The following PNISR variants were observed in gnomAD, a reference collection of about 807,000 sequenced individuals.
The protein encoded by PNISR is arginine/serine-rich protein PNISR.
PNISR carries 20 observed loss-of-function variants against 93.4 expected under a neutral mutation model. The observed-to-expected ratio is 0.21, with a 90% confidence interval of 0.15 to 0.31. PNISR has a LOEUF of 0.31. Among genes scored for constraint, PNISR ranks in the 10% least tolerant of loss-of-function variants. The pLI is 1.00. For missense variants in PNISR, 893 were observed against 985.4 expected (o/e 0.91, Z 1.25); for synonymous variants, 305 against 306.5 (o/e 0.99, Z 0.05).
chr6:99,401,668 C>T (rs763402522), intron 11 of PNISR, 38 bp from the exon 12 acceptor site: 15 of 1,460,062 alleles, frequency 1.0e-5, no homozygotes, highest in African/African-American at 2.8e-5. Flanking sequence ...AGAAAATGTT[C>T]ATGTAAAATT....
rs1052098759 is a variant in PNISR, at chr6:99,400,952, C to T, written c.2006G>A (p.Arg669Lys). ...EAKEQERKKERSRSIDKDRKK... is the reference protein window; with the variant it reads ...EAKEQERKKEKSRSIDKDRKK... ...CCTATCTTTATCTATACTTCGACTC[C>T]TCTCCTTTTTCCTCTCTTGTTCTTT... The change falls in exon 12 of 12, where the codon AGG (arginine) becomes AAG (lysine). Residue 669 changes from arginine to lysine, a missense_variant. Arg to Lys is a conservative substitution (Grantham distance 26). Coordinates refer to ENST00000369239, the MANE Select transcript of PNISR (RefSeq NM_032870.4). 1.9e-6 allele frequency: 3 copies of T among 1,589,200 alleles called. No homozygotes were observed. The highest frequency in any genetic ancestry group is 2.6e-6 in the Non-Finnish European group (3 of 1,158,090).
At chr6:99,425,079 T>C (rs978890858) in intron 1 of PNISR, 136 bp downstream of exon 1, 6 of 466,072 alleles carry the variant, frequency 1.3e-5, no homozygotes, top group Middle Eastern at 5.8e-4. Flanking sequence ...CGCAGCGCTT[T>C]AAAGGAATGA....
intron 1 of PNISR, among the ~76,000 whole-genome samples, chr6:99,422,876 CAAAAAA>C (rs58924048): frequency 7.5e-4 from 71 of 94,928 alleles, no homozygotes; most frequent in Admixed American, 1.0e-3. Flanking sequence ...CACTCTGTCT[CAAAAAA>C]AAAAAAAAAA....
At chr6:99,404,250 A>T (rs1319373788) in intron 9 of PNISR, 1 of 366,874 alleles carries the variant, frequency 2.7e-6, no homozygotes, top group Admixed American at 4.5e-5. Flanking sequence ...AATTGTAGGT[A>T]GATAATTCAA....
At chr6:99,417,597 A>G (rs1382259619) in intron 1 of PNISR, among the ~76,000 whole-genome samples, 3 of 152,222 alleles carry the variant, frequency 2.0e-5, no homozygotes, top group East Asian at 1.9e-4. Context: ...GTGGTGATTA[A>G]TATCAATACT....
rs553699408 is a variant in PNISR, at chr6:99,410,933, G to C, written c.309C>G (p.Pro103=). 4 of 1,613,936 alleles carry C rather than the reference G, an allele frequency of 2.5e-6. No homozygotes were observed. The South Asian group carries it at 3.3e-5, about 13-fold the overall frequency. Residue 103 remains proline, a synonymous_variant, in exon 5 of 12, where the codon CCC becomes CCG. Coordinates refer to ENST00000369239, the MANE Select transcript of PNISR (RefSeq NM_032870.4). Reference sequence around the variant, plus strand: ...GTGGCATCCATGGCTGATCTGGAGGGGGGTGTGGGGGTTGCTGATGCATTC... The same window carrying C: ...GTGGCATCCATGGCTGATCTGGAGGCGGGTGTGGGGGTTGCTGATGCATTC... ...EWGMHQQPPH[P]PPDQPWMPPT... is the part of the protein sequence containing the mutation.
chr6:99,412,486 A>T, intron 4 of PNISR, 65 bp downstream of exon 4: 1 of 1,189,150 alleles, frequency 8.4e-7, no homozygotes. Flanking sequence ...AAATTAAAAA[A>T]TTTAATAATA....
At chr6:99,423,177 A>G (rs1778850176) in intron 1 of PNISR, among the ~76,000 whole-genome samples, 1 of 152,188 alleles carries the variant, frequency 6.6e-6, no homozygotes, top group Non-Finnish European at 1.5e-5. Context: ...AACATGTCAA[A>G]GGAGAACAGT....
chr6:99,411,045 T>C (rs1776850105), intron 4 of PNISR, 81 bp from the exon 5 acceptor site: 3 of 1,044,824 alleles, frequency 2.9e-6, no homozygotes, highest in African/African-American at 3.2e-5. Context: ...TCAAGAAAGA[T>C]TTTTCAGTAA....
In PNISR at chr6:99,414,659, TCC is replaced by T. The variant is rs1181644413; in HGVS notation, c.-2_-1del. The T allele has an allele frequency of 1.9e-6, 3 of 1,582,140 alleles. No individual in the cohort carries two copies. In the South Asian group the frequency reaches 3.4e-5, roughly 18 times the overall value. On this transcript the variant is annotated 5_prime_UTR_variant, in exon 3 of 12. Transcript: ENST00000369239. ...CAAGGCTGTCCTCCTTGATCCCACA[TCC>T]CTTCTTTTAAAATATACTTGATTTT... is the stretch of plus-strand genomic sequence containing the variant.
At position 99,423,635 on chromosome 6, in the gene PNISR, G is replaced by C. The variant is rs1414132116; in HGVS notation, c.-112+1580C>G. Among the ~76,000 whole-genome samples, 3 of 152,178 alleles carry C rather than the reference G, an allele frequency of 2.0e-5. No homozygotes were observed. In the South Asian group the frequency reaches 6.2e-4, roughly 32 times the overall value. The stretch of plus-strand genomic sequence containing the variant: ...CTGTGATCTTCCCCTGATATAGTCC[G>C]TAAGGCCATTTTAATCATGAGAAAA... On this transcript the variant is annotated intron_variant, in intron 1 of 11. Coordinates refer to ENST00000369239, the MANE Select transcript of PNISR (RefSeq NM_032870.4).
intron 7 of PNISR, among the ~76,000 whole-genome samples, chr6:99,407,485 C>T (rs1381505754): frequency 2.6e-5 from 4 of 151,936 alleles, no homozygotes; most frequent in Admixed American, 6.6e-5. Context: ...AAAACTAATA[C>T]CTGCCAAAAT....
chr6:99,421,814 A>C lies in PNISR; in HGVS notation c.-112+3401T>G, dbSNP rs1168889842. 3.3e-5 allele frequency among the ~76,000 whole-genome samples: 5 copies of C among 152,304 alleles called. 1 individual carries two copies. In the South Asian group the frequency reaches 6.2e-4, roughly 19 times the overall value. On this transcript the variant is annotated intron_variant, in intron 1 of 11. Transcript: ENST00000369239. The stretch of plus-strand genomic sequence containing the variant: ...TCTATTTTATCCTTTTCTTAAATGT[A>C]TCTATATTAGAACTTCATCGCTTTG...
rs571217889 is a variant in PNISR, at chr6:99,424,665, T to C, written c.-112+550A>G. Reference sequence around the variant, plus strand: ...TTAATTTAACAACCCACAAACAAATTTGTCTAATGCTCAATTTGTTCAGAT... The same window carrying C: ...TTAATTTAACAACCCACAAACAAATCTGTCTAATGCTCAATTTGTTCAGAT... On this transcript the variant is annotated intron_variant, in intron 1 of 11. Coordinates refer to ENST00000369239, the MANE Select transcript of PNISR (RefSeq NM_032870.4). Among the ~76,000 whole-genome samples the C allele has an allele frequency of 9.2e-5, 14 of 152,344 alleles. No homozygotes were observed. In the South Asian group the frequency reaches 1.9e-3, roughly 20 times the overall value.
intron 11 of PNISR, 103 bp from the exon 12 acceptor site, chr6:99,401,733 A>G (rs1582759580): frequency 2.3e-6 from 2 of 873,918 alleles, no homozygotes; most frequent in Non-Finnish European, 3.2e-6. Flanking sequence ...ACCATTTTCA[A>G]TAGAATTACG....
In PNISR at chr6:99,404,630, T is replaced by G; in HGVS notation, c.1075A>C (p.Lys359Gln). The G allele has an allele frequency of 6.2e-7, 1 of 1,602,962 alleles. No homozygotes were observed. Among genetic ancestry groups the G allele is most frequent in the Non-Finnish European group, 8.5e-7 (1 of 1,169,848 alleles). ...TTCGTTGCTTTGCGGTGTGCATCTT[T>G]GGCTACGTAATAAATTTCTTCATCT... ...VTDEEIYYVA[K>Q]DAHRKATKAP... Residue 359 changes from lysine (K) to glutamine (Q), a missense_variant, in exon 9 of 12, where the codon AAA (lysine) becomes CAA (glutamine). Coordinates refer to ENST00000369239, the MANE Select transcript of PNISR (RefSeq NM_032870.4).
chr6:99,415,394 G>T (rs570127474), intron 2 of PNISR: 1 of 152,236 alleles, frequency 6.6e-6, no homozygotes, highest in Non-Finnish European at 1.5e-5. Flanking sequence ...AAGTAAGACA[G>T]CCTCCAAGAC....
chr6:99,419,151 T>A (rs1213369485), intron 1 of PNISR, among the ~76,000 whole-genome samples: 12 of 26,852 alleles, frequency 4.5e-4, no homozygotes, highest in African/African-American at 1.4e-3. Flanking sequence ...AGACTCCGTC[T>A]CAAAAAAAAA....
Position 99,425,244 on chromosome 6 carries a change from C to G in PNISR, c.-141G>C, listed in dbSNP as rs1779355493. ...TCTAGTTCGGGAACACCCTTGTCGCCGCCGTTCCGGTAACACCTCTCCAAC... is the reference window on the plus strand; with the variant it reads ...TCTAGTTCGGGAACACCCTTGTCGCGGCCGTTCCGGTAACACCTCTCCAAC... On this transcript the variant is annotated 5_prime_UTR_variant, in exon 1 of 12. Coordinates refer to ENST00000369239, the MANE Select transcript of PNISR (RefSeq NM_032870.4). 1 of 1,232,078 alleles carries G rather than the reference C, an allele frequency of 8.1e-7. No individual in the cohort carries two copies. The highest frequency in any genetic ancestry group is 4.2e-5 in the Admixed American group (1 of 23,698). The allele number at this position is 1,232,078 out of a possible 1,614,324, so 76.3% of individuals were successfully genotyped here. A position where few individuals can be genotyped will look rare whatever the true frequency, so the allele number is the denominator to read the frequency against.
Sources: allele counts gnomAD v4.1 joint callset (sites outside exome capture counted in the v4.1 genomes callset), GRCh38; gene constraint gnomAD v4.1.1; transcripts MANE v1.5; gene names NCBI Gene and HGNC (gene_info 2026-07-23, HGNC 2026-07-21).